LRRTM4: variants seen among roughly 807,000 people sequenced by gnomAD.
LRRTM4 encodes the protein leucine rich repeat transmembrane neuronal 4.
Under a neutral mutation model 47.6 loss-of-function variants are expected in LRRTM4, and 25 were observed. The observed-to-expected ratio is 0.53, with a 90% CI of 0.38 to 0.73. The LOEUF is 0.73. LRRTM4 is among the 30% of genes least tolerant of loss of function. The probability of loss-of-function intolerance (pLI) is 0.00; values close to 1 mark genes in which losing one functional copy is unlikely to be tolerated. For missense variants in LRRTM4, 638 were observed against 713.4 expected (o/e 0.89, Z 1.20); for synonymous variants, 311 against 269.5 (o/e 1.15, Z -1.51).
chr2:77,517,495 G>C, intron 3 of LRRTM4: 1 of 985,024 alleles, frequency 1.0e-6, no homozygotes, highest in Non-Finnish European at 1.2e-6. Flanking sequence ...CCACAAAATT[G>C]TGACCTGATT....
At chr2:77,037,221 C>T (rs966856842) in intron 3 of LRRTM4, among the ~76,000 whole-genome samples, 11 of 151,680 alleles carry the variant, frequency 7.3e-5, no homozygotes, top group Admixed American at 2.6e-4. Context: ...ATGGGCTTCA[C>T]GGATCCTGGT....
At chr2:77,495,921 G>C (rs1245797001) in intron 3 of LRRTM4, among the ~76,000 whole-genome samples, 1 of 151,860 alleles carries the variant, frequency 6.6e-6, no homozygotes, top group Admixed American at 6.6e-5. Context: ...CAAAAAGGAG[G>C]CTGCTTAGAC....
In LRRTM4 at chr2:77,144,708, C is replaced by T. The variant is rs73940362; in HGVS notation, c.1551+373610G>A. Among the ~76,000 whole-genome samples the T allele has an allele frequency of 4.1e-3, 619 of 152,156 alleles. 3 individuals carry two copies. Among genetic ancestry groups the T allele is most frequent in the African/African-American group, 0.014 (588 of 41,524 alleles). On this transcript the variant is annotated intron_variant, in intron 3 of 3. Coordinates refer to ENST00000409884, the MANE Select transcript of LRRTM4 (RefSeq NM_001134745.3). ...AGAGAGTCATAAATGTGATAGAATTCCTCCTAGCTCCTGAGCTGTGTGATA... is the reference window on the plus strand; with the variant it reads ...AGAGAGTCATAAATGTGATAGAATTTCTCCTAGCTCCTGAGCTGTGTGATA...
intron 3 of LRRTM4, among the ~76,000 whole-genome samples, chr2:76,796,797 C>G (rs563852822): frequency 6.6e-6 from 1 of 151,928 alleles, no homozygotes; most frequent in South Asian, 2.1e-4. Flanking sequence ...ATCAACAGAA[C>G]GAATGACTTT....
At chr2:76,797,270 GCAGAAACCCTACAAGC>G (rs1675386817) in intron 3 of LRRTM4, among the ~76,000 whole-genome samples, 1 of 152,054 alleles carries the variant, frequency 6.6e-6, no homozygotes, top group Admixed American at 6.5e-5. Flanking sequence ...GGATCTCTCA[GCAGAAACCCTACAAGC>G]CAGAAGAGAG....
chr2:77,139,069 T>G (rs1316085890), intron 3 of LRRTM4, among the ~76,000 whole-genome samples: 1 of 152,154 alleles, frequency 6.6e-6, no homozygotes, highest in Non-Finnish European at 1.5e-5. Flanking sequence ...TACCATTTCT[T>G]CTGAAACTAT....
chr2:77,482,147 T>G, intron 3 of LRRTM4, among the ~76,000 whole-genome samples: 1 of 152,148 alleles, frequency 6.6e-6, no homozygotes, highest in Non-Finnish European at 1.5e-5. Context: ...AAGAAGATAA[T>G]AGATGAAGGA....
chr2:77,466,940 C>A (rs1354280583), intron 3 of LRRTM4, among the ~76,000 whole-genome samples: 2 of 151,976 alleles, frequency 1.3e-5, no homozygotes, highest in African/African-American at 2.4e-5. Flanking sequence ...CTCAAGTGAT[C>A]CACCTGCCTT....
chr2:76,906,354 C>T (rs1285163870), intron 3 of LRRTM4, among the ~76,000 whole-genome samples: 22 of 152,072 alleles, frequency 1.4e-4, no homozygotes, highest in Non-Finnish European at 2.2e-4. Flanking sequence ...AAGCGCTAAA[C>T]GTGGAAAGGA....
intron 3 of LRRTM4, among the ~76,000 whole-genome samples, chr2:77,397,083 T>C (rs60745300): frequency 0.032 from 4,932 of 151,970 alleles, 274 homozygotes; most frequent in African/African-American, 0.11. Flanking sequence ...CTAATAATAA[T>C]ATATACAATT....
intron 3 of LRRTM4, among the ~76,000 whole-genome samples, chr2:77,011,636 G>C (rs769196230): frequency 6.1e-4 from 92 of 150,902 alleles, no homozygotes; most frequent in South Asian, 1.0e-3. Context: ...ATGATTTCTA[G>C]CATAGCCAGC....
At chr2:77,065,664 G>A (rs1178838251) in intron 3 of LRRTM4, among the ~76,000 whole-genome samples, 1 of 152,138 alleles carries the variant, frequency 6.6e-6, no homozygotes, top group Non-Finnish European at 1.5e-5. Context: ...CTCAGTATTA[G>A]GAAACAGAGT....
At chr2:76,761,000 C>A (rs542633240) in intron 3 of LRRTM4, among the ~76,000 whole-genome samples, 1 of 152,356 alleles carries the variant, frequency 6.6e-6, no homozygotes, top group Non-Finnish European at 1.5e-5. Context: ...TATCCCAGAT[C>A]AATTAAATCA....
chr2:77,310,947 ATAT>A (rs1677436768), intron 3 of LRRTM4, among the ~76,000 whole-genome samples: 2 of 151,848 alleles, frequency 1.3e-5, no homozygotes, highest in African/African-American at 4.8e-5. Context: ...TATAGAGAGA[ATAT>A]TATATGTGCA....
At chr2:77,260,593 C>A (rs769438732) in intron 3 of LRRTM4, among the ~76,000 whole-genome samples, 1 of 152,012 alleles carries the variant, frequency 6.6e-6, no homozygotes, top group African/African-American at 2.4e-5. Context: ...TCATTTAGTT[C>A]TTGATGCAAT....
intron 3 of LRRTM4, among the ~76,000 whole-genome samples, chr2:77,095,395 C>T (rs1018443042): frequency 2.1e-4 from 32 of 152,102 alleles, no homozygotes; most frequent in African/African-American, 7.5e-4. Flanking sequence ...AGCAATCCCA[C>T]TTTTAGTATA....
intron 3 of LRRTM4, among the ~76,000 whole-genome samples, chr2:77,396,756 T>C (rs997466239): frequency 1.1e-4 from 16 of 151,956 alleles, no homozygotes; most frequent in Non-Finnish European, 1.5e-5. Flanking sequence ...AGTTTTTTTT[T>C]CTCAACAACA....
At chr2:76,841,676 A>C (rs114478445) in intron 3 of LRRTM4, among the ~76,000 whole-genome samples, 10,022 of 149,708 alleles carry the variant, frequency 0.067, 805 homozygotes, top group African/African-American at 0.19. Context: ...AAAAAAAAAA[A>C]AACTTTACTG....
chr2:77,155,182 A>G (rs976548235), intron 3 of LRRTM4, among the ~76,000 whole-genome samples: 45 of 152,152 alleles, frequency 3.0e-4, no homozygotes, highest in African/African-American at 1.1e-3. Context: ...AAAGAGAATA[A>G]AAAGCCTGCA....
Sources: allele counts gnomAD v4.1 joint callset (sites outside exome capture counted in the v4.1 genomes callset), GRCh38; gene constraint gnomAD v4.1.1; transcripts MANE v1.5; gene names NCBI Gene and HGNC (gene_info 2026-07-23, HGNC 2026-07-21).